FLT1: variants seen among roughly 807,000 people sequenced by gnomAD.
FLT1 encodes the protein vascular endothelial growth factor receptor 1.
A neutral mutation model predicts 156.3 loss-of-function variants in FLT1; 49 were observed. The ratio of observed to expected loss-of-function variants is 0.31; its 90% CI spans 0.25 to 0.40. The LOEUF (loss-of-function observed/expected upper bound fraction) is 0.40. Among genes scored for constraint, FLT1 ranks in the 10% least tolerant of loss-of-function variants. The pLI, the probability that FLT1 is intolerant of heterozygous loss-of-function variation, is 1.00. For synonymous variants in FLT1, 594 were observed against 583.8 expected (o/e 1.02, Z -0.25); for missense variants, 1,322 against 1,637.2 (o/e 0.81, Z 3.32).
At position 28,441,175 on chromosome 13, in the gene FLT1, C is replaced by T. The variant is rs183126174; in HGVS notation, c.389-2830G>A. The stretch of plus-strand genomic sequence containing the variant: ...ATGACTTTCCTCTGTGAATGCTCAA[C>T]TGGTAAGGGAAAAACACCTCAAGTG... On this transcript the variant is annotated intron_variant, in intron 3 of 29. Coordinates refer to ENST00000282397, the MANE Select transcript of FLT1 (RefSeq NM_002019.4). Among the ~76,000 whole-genome samples the T allele has an allele frequency of 1.4e-4, 21 of 152,266 alleles. No homozygotes were observed. The East Asian group carries it at 2.3e-3, about 17-fold the overall frequency.
intron 1 of FLT1, among the ~76,000 whole-genome samples, chr13:28,479,567 C>A (rs1880729886): frequency 6.6e-6 from 1 of 152,174 alleles, no homozygotes; most frequent in South Asian, 2.1e-4. Context: ...TGCTGAGAGT[C>A]AAATTTCTGG....
At chr13:28,332,159 C>T (rs894365024) in intron 18 of FLT1, among the ~76,000 whole-genome samples, 2 of 152,086 alleles carry the variant, frequency 1.3e-5, no homozygotes, top group African/African-American at 4.8e-5. Context: ...GCCTGAGAGG[C>T]AGAGGCTGCA....
At chr13:28,349,785 T>C (rs566453341) in intron 15 of FLT1, among the ~76,000 whole-genome samples, 8 of 152,230 alleles carry the variant, frequency 5.3e-5, no homozygotes, top group South Asian at 4.2e-4. Flanking sequence ...TGTGTGCAAA[T>C]ACTTACACAT....
At chr13:28,355,199 C>T (rs1244118770) in intron 15 of FLT1, among the ~76,000 whole-genome samples, 1 of 152,178 alleles carries the variant, frequency 6.6e-6, no homozygotes, top group African/African-American at 2.4e-5. Flanking sequence ...TCAGCCTCAC[C>T]ACATAGTCAT....
intron 1 of FLT1, among the ~76,000 whole-genome samples, chr13:28,479,046 A>G (rs1566054718): frequency 6.6e-6 from 1 of 152,234 alleles, no homozygotes; most frequent in Non-Finnish European, 1.5e-5. Flanking sequence ...TCCAAATTAT[A>G]TAGAAAACAT....
At chr13:28,456,994 T>C (rs538282398) in intron 3 of FLT1, among the ~76,000 whole-genome samples, 2 of 152,272 alleles carry the variant, frequency 1.3e-5, no homozygotes, top group African/African-American at 4.8e-5. Flanking sequence ...CATGTACACT[T>C]TGCACTTGGG....
intron 20 of FLT1, among the ~76,000 whole-genome samples, chr13:28,324,329 C>T (rs920375829): frequency 5.9e-5 from 9 of 152,274 alleles, no homozygotes; most frequent in South Asian, 2.1e-4. Context: ...GATTAACCCG[C>T]GTACCCCATC....
intron 1 of FLT1, among the ~76,000 whole-genome samples, chr13:28,471,801 C>T (rs1435564993): frequency 6.6e-6 from 1 of 152,124 alleles, no homozygotes; most frequent in African/African-American, 2.4e-5. Flanking sequence ...ATGATCTTGT[C>T]CCTTCTGTGA....
At chr13:28,379,856 G>A (rs1874001397) in intron 14 of FLT1, among the ~76,000 whole-genome samples, 1 of 152,172 alleles carries the variant, frequency 6.6e-6, no homozygotes, top group East Asian at 1.9e-4. Flanking sequence ...AATGATAAGG[G>A]AGGAAAAAGC....
chr13:28,414,483 T>G (rs1257290662), intron 10 of FLT1, among the ~76,000 whole-genome samples: 1 of 152,198 alleles, frequency 6.6e-6, no homozygotes, highest in Non-Finnish European at 1.5e-5. Context: ...GGAAATAATT[T>G]AAATAAAGAA....
At chr13:28,398,928 GA>G (rs1875244413) in intron 11 of FLT1, 2 of 738,950 alleles carry the variant, frequency 2.7e-6, no homozygotes, top group East Asian at 5.4e-5. Flanking sequence ...GAAAGTGTAC[GA>G]AAGAGAGCTC....
intron 3 of FLT1, among the ~76,000 whole-genome samples, chr13:28,451,277 G>T (rs1878918998): frequency 6.6e-6 from 1 of 152,206 alleles, no homozygotes; most frequent in Non-Finnish European, 1.5e-5. Context: ...CAAAAAATTA[G>T]CTAGACGTGG....
intron 15 of FLT1, among the ~76,000 whole-genome samples, chr13:28,353,572 CAAAAAAAAA>C (rs34155046): frequency 8.1e-6 from 1 of 123,494 alleles, no homozygotes; most frequent in African/African-American, 3.3e-5. Flanking sequence ...GACTGTGTCT[CAAAAAAAAA>C]AAAAAAAAGA....
chr13:28,320,750 C>T (rs989007670), intron 23 of FLT1, among the ~76,000 whole-genome samples: 5 of 151,992 alleles, frequency 3.3e-5, no homozygotes, highest in African/African-American at 9.7e-5. Flanking sequence ...GCTTGTTAGG[C>T]CAGCACACTG....
chr13:28,372,137 A>G (rs139283423), intron 14 of FLT1, among the ~76,000 whole-genome samples: 3,277 of 133,714 alleles, frequency 0.025, 99 homozygotes, highest in Admixed American at 0.081. Flanking sequence ...GCTGAACTGC[A>G]GTGGAGCCAT....
At chr13:28,463,249 C>T (rs1156441531) in intron 3 of FLT1, among the ~76,000 whole-genome samples, 3 of 152,084 alleles carry the variant, frequency 2.0e-5, no homozygotes, top group Admixed American at 2.0e-4. Flanking sequence ...TGGATTTATA[C>T]AAGCTGGAAT....
At chr13:28,325,623 G>C (rs1323862977) in intron 20 of FLT1, among the ~76,000 whole-genome samples, 2 of 151,968 alleles carry the variant, frequency 1.3e-5, no homozygotes, top group Non-Finnish European at 2.9e-5. Context: ...GACCAGCCTG[G>C]CCAACATGGT....
At chr13:28,320,702 C>A (rs554775892) in intron 23 of FLT1, among the ~76,000 whole-genome samples, 66 of 152,104 alleles carry the variant, frequency 4.3e-4, no homozygotes, top group African/African-American at 1.5e-3. Context: ...CAGGCTCCAC[C>A]CAAGAGTTAC....
rs139358526 is a variant in FLT1, at chr13:28,319,179, G to A, written c.3286+244C>T. 1.1e-4 allele frequency among the ~76,000 whole-genome samples: 17 copies of A among 152,222 alleles called. No individual in the cohort carries two copies. The East Asian group carries it at 1.7e-3, about 16-fold the overall frequency. On this transcript the variant is annotated intron_variant, in intron 24 of 29. Coordinates refer to ENST00000282397, the MANE Select transcript of FLT1 (RefSeq NM_002019.4). ...AGACTTTATACCCTTGTTCATGATC[G>A]TATAAAGCCCTTTTACATGACCTTG... is the stretch of plus-strand genomic sequence containing the variant.
Sources: gnomAD v4.1 joint callset for allele counts (sites outside exome capture counted in the v4.1 genomes callset) on GRCh38, gnomAD v4.1.1 for gene constraint, MANE v1.5 for transcripts, NCBI Gene and HGNC (gene_info 2026-07-23, HGNC 2026-07-21) for gene names.